The following SLC22A24 variants were observed in gnomAD, a reference collection of about 807,000 sequenced individuals.
The protein encoded by SLC22A24 is steroid transmembrane transporter SLC22A24.
SLC22A24 carries 53 observed loss-of-function variants against 49.8 expected under a neutral mutation model. That is an observed-to-expected ratio of 1.06 (90% CI 0.85 to 1.34). The LOEUF (loss-of-function observed/expected upper bound fraction) is 1.34. Among genes scored for constraint, SLC22A24 ranks in the 40% most tolerant of loss-of-function variants. SLC22A24 has a pLI of 0.00. For missense variants in SLC22A24, 786 were observed against 675.9 expected (o/e 1.16, Z -1.81); for synonymous variants, 302 against 256.4 (o/e 1.18, Z -1.70).
chr11:63,102,573 A>G (rs2087097737), intron 5 of SLC22A24, among the ~76,000 whole-genome samples: 1 of 152,128 alleles, frequency 6.6e-6, no homozygotes, highest in Non-Finnish European at 1.5e-5. Context: ...TGGTGGAAAA[A>G]ACACTGCACA....
At chr11:63,126,114 G>A (rs139547649) in intron 2 of SLC22A24, among the ~76,000 whole-genome samples, 2,339 of 152,106 alleles carry the variant, frequency 0.015, 27 homozygotes, top group Middle Eastern at 0.048. Flanking sequence ...TATGTTTCCT[G>A]TTCACTCTAA....
Position 63,143,611 on chromosome 11 carries a change from C to T in SLC22A24, c.169G>A (p.Asp57Asn). The change falls in exon 1 of 10, where the codon GAC becomes AAC. Residue 57 changes from aspartate (D) to asparagine (N), a missense_variant. Asp to Asn is a conservative substitution (Grantham distance 23). Coordinates refer to ENST00000612278, the MANE Select transcript of SLC22A24 (RefSeq NM_001136506.2). ...HRCWVPLLDN[D>N]TVSDNDTGTL... Reference sequence around the variant, plus strand: ...CCGGTATCATTGTCAGACACAGTGTCATTGTCCAGGAGGGGGACCCAGCAG... The same window carrying T: ...CCGGTATCATTGTCAGACACAGTGTTATTGTCCAGGAGGGGGACCCAGCAG... 1 of 1,577,996 alleles carries T rather than the reference C, an allele frequency of 6.3e-7. No homozygotes were observed. The highest frequency in any genetic ancestry group is 8.6e-7 in the Non-Finnish European group (1 of 1,163,320).
chr11:63,126,714 A>G (rs1452646165), intron 2 of SLC22A24, among the ~76,000 whole-genome samples: 1 of 152,200 alleles, frequency 6.6e-6, no homozygotes, highest in African/African-American at 2.4e-5. Context: ...TGGTAGCTTG[A>G]TGGGGATAGC....
intron 7 of SLC22A24, among the ~76,000 whole-genome samples, chr11:63,082,309 T>A (rs1158668529): frequency 2.6e-5 from 4 of 152,164 alleles, no homozygotes; most frequent in African/African-American, 9.7e-5. Context: ...ATAAATAATA[T>A]CACACTGGGA....
chr11:63,131,307 C>T (rs1032294704), intron 2 of SLC22A24, among the ~76,000 whole-genome samples: 1 of 151,966 alleles, frequency 6.6e-6, no homozygotes, highest in Non-Finnish European at 1.5e-5. Flanking sequence ...TGTTTGAATT[C>T]GAGCCTGTCA....
chr11:63,136,721 A>G (rs2087377805), intron 1 of SLC22A24, among the ~76,000 whole-genome samples: 1 of 152,154 alleles, frequency 6.6e-6, no homozygotes, highest in South Asian at 2.1e-4. Flanking sequence ...CAAATTTGGG[A>G]GCTCATCTGG....
rs759490164 is a variant in SLC22A24 at position 63,119,038 on chromosome 11, A to G, written c.704T>C (p.Met235Thr). ...TLPRSRSMTI[M>T]VLLCSYSVGQ... Reference sequence around the variant, plus strand: ...AACACTGTAGGAACATAATAGCACCATTATTGTCATAGATCGTGACCGGGG... The same window carrying G: ...AACACTGTAGGAACATAATAGCACCGTTATTGTCATAGATCGTGACCGGGG... The change falls in exon 4 of 10, where the codon ATG becomes ACG. Residue 235 changes from methionine (M) to threonine (T), a missense_variant. Physicochemically the swap from Met to Thr is moderately conservative, Grantham distance 81. Transcript: ENST00000612278. 8 of 1,551,492 alleles carry G rather than the reference A, an allele frequency of 5.2e-6. No homozygotes were observed. The South Asian group carries it at 5.9e-5, about 12-fold the overall frequency.
chr11:63,102,745 G>A (rs1005623424), intron 5 of SLC22A24, among the ~76,000 whole-genome samples: 1 of 152,148 alleles, frequency 6.6e-6, no homozygotes, highest in African/African-American at 2.4e-5. Context: ...GGAAGAGATT[G>A]TAGCAGAGAG....
Position 63,096,097 on chromosome 11 carries a change from A to T in SLC22A24, c.964T>A (p.Ser322Thr). 6.5e-7 allele frequency: 1 copy of T among 1,549,134 alleles called. No homozygotes were observed. Among genetic ancestry groups the T allele is most frequent in the South Asian group, 1.2e-5 (1 of 83,972 alleles). ...EETLTTELVR[S>T]TMKKELDAVR... ...GCATCCAACTCCTTCTTCATGGTGGATCTCACAAGCTTCAGCAACAAAAAT... is the reference window on the plus strand; with the variant it reads ...GCATCCAACTCCTTCTTCATGGTGGTTCTCACAAGCTTCAGCAACAAAAAT... Residue 322 changes from serine to threonine, a missense_variant, in exon 6 of 10, where the codon TCC becomes ACC. Physicochemically the swap from Ser to Thr is moderately conservative, Grantham distance 58. Coordinates refer to ENST00000612278, the MANE Select transcript of SLC22A24 (RefSeq NM_001136506.2).
intron 2 of SLC22A24, among the ~76,000 whole-genome samples, chr11:63,133,500 C>T (rs1231908236): frequency 6.6e-6 from 1 of 152,176 alleles, no homozygotes; most frequent in Non-Finnish European, 1.5e-5. Flanking sequence ...CATTGAGCAT[C>T]TAAACTCTCC....
At chr11:63,102,167 T>C (rs1039136067) in intron 5 of SLC22A24, among the ~76,000 whole-genome samples, 1 of 152,154 alleles carries the variant, frequency 6.6e-6, no homozygotes, top group African/African-American at 2.4e-5. Flanking sequence ...ATGTGATTAT[T>C]ATGCATTGTA....
intron 1 of SLC22A24, among the ~76,000 whole-genome samples, chr11:63,135,269 C>T (rs112170989): frequency 0.039 from 5,954 of 152,274 alleles, 169 homozygotes; most frequent in Non-Finnish European, 0.063. Flanking sequence ...TAAGTCTCAT[C>T]TTTGTCCACA....
intron 2 of SLC22A24, among the ~76,000 whole-genome samples, chr11:63,131,512 G>A (rs1049891675): frequency 1.3e-5 from 2 of 152,132 alleles, no homozygotes; most frequent in Admixed American, 6.5e-5. Context: ...GTCTTTAAAG[G>A]ATTTTTATTT....
intron 2 of SLC22A24, among the ~76,000 whole-genome samples, chr11:63,126,618 C>T (rs1383912333): frequency 1.3e-5 from 2 of 152,102 alleles, no homozygotes; most frequent in Admixed American, 1.3e-4. Context: ...ATTCTTTTTG[C>T]TAAGGATTTT....
Position 63,097,401 on chromosome 11 carries a change from C to T in SLC22A24, c.955-1295G>A, listed in dbSNP as rs369955131. ...TACCATCTCATGCCAGTTAGAATGGCGATCATTAAAAAGTCAGGAAACAAC... is the reference window on the plus strand; with the variant it reads ...TACCATCTCATGCCAGTTAGAATGGTGATCATTAAAAAGTCAGGAAACAAC... On this transcript the variant is annotated intron_variant, in intron 5 of 9. Transcript: ENST00000612278. Among the ~76,000 whole-genome samples the T allele has an allele frequency of 3.7e-4, 56 of 152,198 alleles. No individual in the cohort carries two copies. In the South Asian group the frequency reaches 7.7e-3, roughly 21 times the overall value.
At position 63,095,960 on chromosome 11, in the gene SLC22A24, T is replaced by A. The variant is rs184268615; in HGVS notation, c.1070+31A>T. 3,080 of 1,442,186 alleles carry A rather than the reference T, an allele frequency of 2.1e-3. 7 individuals are homozygous for A. The highest frequency in any genetic ancestry group is 3.9e-3 in the South Asian group (314 of 81,130). 89.3% of individuals were successfully genotyped at this position (1,442,186 alleles called of 1,614,324 possible). The stretch of plus-strand genomic sequence containing the variant: ...GAAACAGTTTTGTGTCTCCAATATT[T>A]TAAAGTGAATCATCACCAAATGGAA... On this transcript the variant is annotated intron_variant, in intron 6 of 9. Transcript: ENST00000612278.
At chr11:63,112,787 G>T (rs1046617567) in intron 4 of SLC22A24, among the ~76,000 whole-genome samples, 2 of 151,714 alleles carry the variant, frequency 1.3e-5, no homozygotes, top group African/African-American at 4.8e-5. Context: ...GCTGAGGCAG[G>T]TGGATCACGA....
chr11:63,118,572 C>G (rs2087227906), intron 4 of SLC22A24: 1 of 514,276 alleles, frequency 1.9e-6, no homozygotes, highest in African/African-American at 1.9e-5. Flanking sequence ...TATTCAATCT[C>G]AGTTACAATG....
At chr11:63,102,855 T>C (rs987178569) in intron 5 of SLC22A24, among the ~76,000 whole-genome samples, 1 of 152,166 alleles carries the variant, frequency 6.6e-6, no homozygotes, top group African/African-American at 2.4e-5. Flanking sequence ...TTGTACCTCA[T>C]GTCTCTCCCA....
Sources: gnomAD v4.1 joint callset for allele counts (sites outside exome capture counted in the v4.1 genomes callset) on GRCh38, gnomAD v4.1.1 for gene constraint, MANE v1.5 for transcripts, NCBI Gene and HGNC (gene_info 2026-07-23, HGNC 2026-07-21) for gene names.